NAV3: variants seen among roughly 807,000 people sequenced by gnomAD.
NAV3 encodes pore membrane and/or filament interacting like protein 1.
In NAV3, 87 loss-of-function variants were observed where a neutral mutation model predicts 244.7. That is an observed-to-expected ratio of 0.36 (90% confidence interval 0.30 to 0.42). The LOEUF (loss-of-function observed/expected upper bound fraction) is 0.42. NAV3 is among the 20% of genes least tolerant of loss of function. The probability of loss-of-function intolerance (pLI) is 1.00; values close to 1 mark genes in which losing one functional copy is unlikely to be tolerated. For missense variants in NAV3, 2,663 were observed against 2,893.3 expected (o/e 0.92, Z 1.83); for synonymous variants, 1,126 against 1,042.2 (o/e 1.08, Z -1.55).
chr12:77,676,087 A>T (rs1032593917), intron 2 of NAV3, among the ~76,000 whole-genome samples: 82 of 151,218 alleles, frequency 5.4e-4, no homozygotes, highest in African/African-American at 1.9e-3. Context: ...TTTTTTTTAA[A>T]TTTTTTTTTA....
chr12:78,059,455 A>ATT (rs1884001141), intron 12 of NAV3, among the ~76,000 whole-genome samples: 1 of 151,898 alleles, frequency 6.6e-6, no homozygotes, highest in East Asian at 1.9e-4. Flanking sequence ...TGCCCAGCTA[A>ATT]TTTTTGTATT....
At chr12:78,188,398 G>T (rs1415947532) in intron 32 of NAV3, 55 bp downstream of exon 32, 1 of 1,443,316 alleles carries the variant, frequency 6.9e-7, no homozygotes, top group African/African-American at 1.4e-5. Flanking sequence ...CTCTTTAATT[G>T]TTTTCCATAA....
intron 2 of NAV3, among the ~76,000 whole-genome samples, chr12:77,760,944 A>G (rs1869430835): frequency 6.6e-6 from 1 of 152,226 alleles, no homozygotes; most frequent in South Asian, 2.1e-4. Flanking sequence ...AAAGCAAAAG[A>G]AACCCCACCC....
chr12:77,604,306 G>C (rs1870573899), intron 2 of NAV3, among the ~76,000 whole-genome samples: 1 of 151,900 alleles, frequency 6.6e-6, no homozygotes, highest in South Asian at 2.1e-4. Context: ...AAAGACAAAA[G>C]AAAATTGAAT....
At chr12:77,995,437 A>G (rs1189012987) in intron 6 of NAV3, among the ~76,000 whole-genome samples, 3 of 152,192 alleles carry the variant, frequency 2.0e-5, no homozygotes, top group Non-Finnish European at 4.4e-5. Flanking sequence ...ACCTATAAAA[A>G]TGTTTTGAAA....
intron 1 of NAV3, among the ~76,000 whole-genome samples, chr12:77,915,436 A>G (rs1187335719): frequency 6.6e-6 from 1 of 152,076 alleles, no homozygotes; most frequent in Non-Finnish European, 1.5e-5. Flanking sequence ...TGTCAAATAA[A>G]TAACAGATGT....
intron 3 of NAV3, among the ~76,000 whole-genome samples, chr12:77,944,858 A>G (rs546480525): frequency 1.6e-4 from 25 of 152,302 alleles, no homozygotes; most frequent in African/African-American, 5.5e-4. Context: ...GCAGTAGCTG[A>G]AGCTCTAATA....
intron 2 of NAV3, among the ~76,000 whole-genome samples, chr12:77,580,212 G>T (rs1869288967): frequency 7.1e-6 from 1 of 140,138 alleles, no homozygotes; most frequent in East Asian, 2.0e-4. Flanking sequence ...TTTGGGGGTA[G>T]GGTGGGAACA....
At chr12:78,076,956 T>A (rs1425578343) in intron 12 of NAV3, among the ~76,000 whole-genome samples, 3 of 152,166 alleles carry the variant, frequency 2.0e-5, no homozygotes. Flanking sequence ...ACTTTAGAAA[T>A]TCTGCTTAAA....
chr12:77,669,822 G>T (rs1442964918), intron 2 of NAV3, among the ~76,000 whole-genome samples: 1 of 151,998 alleles, frequency 6.6e-6, no homozygotes, highest in African/African-American at 2.4e-5. Flanking sequence ...AGAAACAGTG[G>T]ACTTAAACTA....
intron 1 of NAV3, among the ~76,000 whole-genome samples, chr12:77,895,311 G>GTGTGTGTGTGTGTGTA (rs750580178): frequency 4.8e-3 from 304 of 63,254 alleles, no homozygotes; most frequent in African/African-American, 0.011. Flanking sequence ...TAGAATGATT[G>GTGTGTGTGTGTGTGTA]TGTGTGTGTG....
At chr12:78,198,980 G>A (rs1034035810) in intron 36 of NAV3, 5 of 442,692 alleles carry the variant, frequency 1.1e-5, no homozygotes, top group African/African-American at 1.0e-4. Flanking sequence ...TGTTCACTAT[G>A]TCCCTGGTTA....
At chr12:77,810,404 C>T (rs960795999) in intron 2 of NAV3, among the ~76,000 whole-genome samples, 1 of 152,146 alleles carries the variant, frequency 6.6e-6, no homozygotes, top group Non-Finnish European at 1.5e-5. Context: ...ATCTCCTGAC[C>T]TCATGATCCG....
At chr12:77,905,383 T>C (rs1374628782) in intron 1 of NAV3, among the ~76,000 whole-genome samples, 1 of 152,110 alleles carries the variant, frequency 6.6e-6, no homozygotes, top group Non-Finnish European at 1.5e-5. Context: ...TTACCTTAAC[T>C]TCTCTTTATA....
At chr12:77,952,169 G>C (rs1442910571) in intron 3 of NAV3, among the ~76,000 whole-genome samples, 3 of 151,494 alleles carry the variant, frequency 2.0e-5, no homozygotes, top group Non-Finnish European at 2.9e-5. Context: ...ATTTCTGCTA[G>C]TCTGTGGTTT....
chr12:77,874,608 T>C (rs1881572611), intron 1 of NAV3, among the ~76,000 whole-genome samples: 1 of 151,270 alleles, frequency 6.6e-6, no homozygotes, highest in South Asian at 2.1e-4. Flanking sequence ...TTCTTGTGGT[T>C]AGTAAAAAAA....
intron 2 of NAV3, among the ~76,000 whole-genome samples, chr12:77,706,251 A>T (rs1334699770): frequency 6.6e-6 from 1 of 151,558 alleles, no homozygotes; most frequent in Non-Finnish European, 1.5e-5. Context: ...TAACATTAAT[A>T]GATCTCCCTT....
intron 2 of NAV3, among the ~76,000 whole-genome samples, chr12:77,739,134 A>C (rs1341128933): frequency 6.6e-6 from 1 of 151,676 alleles, no homozygotes; most frequent in Non-Finnish European, 1.5e-5. Context: ...TCGTTATCCC[A>C]ATTTCCACAG....
intron 5 of NAV3, among the ~76,000 whole-genome samples, chr12:77,973,611 C>T (rs1256942132): frequency 6.6e-6 from 1 of 152,114 alleles, no homozygotes; most frequent in Non-Finnish European, 1.5e-5. Context: ...CTTTTGGAAC[C>T]CTCTTACCAT....
Sources: allele counts gnomAD v4.1 joint callset (sites outside exome capture counted in the v4.1 genomes callset), GRCh38; gene constraint gnomAD v4.1.1; transcripts MANE v1.5; gene names NCBI Gene and HGNC (gene_info 2026-07-23, HGNC 2026-07-21).